RARRES1: variants seen among roughly 807,000 people sequenced by gnomAD.
The protein encoded by RARRES1 is retinoic acid receptor responder 1.
A neutral mutation model predicts 30.6 loss-of-function variants in RARRES1; 34 were observed. The ratio of observed to expected loss-of-function variants is 1.11; its 90% CI spans 0.84 to 1.48. The LOEUF (loss-of-function observed/expected upper bound fraction) is 1.48. Ranked by LOEUF, RARRES1 falls within the 40% of genes most tolerant of loss-of-function variation. RARRES1 has a pLI of 0.00. For synonymous variants in RARRES1, 153 were observed against 155.5 expected (o/e 0.98, Z 0.12); for missense variants, 373 against 386.5 (o/e 0.97, Z 0.29).
chr3:158,712,272 T>C (rs762022927), intron 2 of RARRES1, among the ~76,000 whole-genome samples: 1 of 152,144 alleles, frequency 6.6e-6, no homozygotes, highest in Non-Finnish European at 1.5e-5. Flanking sequence ...AAAAAGTCCA[T>C]GAGGAAACAA....
At chr3:158,721,960 G>A (rs546308987) in intron 1 of RARRES1, among the ~76,000 whole-genome samples, 18 of 151,902 alleles carry the variant, frequency 1.2e-4, no homozygotes, top group Middle Eastern at 3.4e-3. Flanking sequence ...GCGTGGTGGC[G>A]CACACCTGTA....
At chr3:158,704,171 T>C (rs1726829987) in intron 4 of RARRES1, among the ~76,000 whole-genome samples, 1 of 148,636 alleles carries the variant, frequency 6.7e-6, no homozygotes, top group Non-Finnish European at 1.5e-5. Flanking sequence ...ACCACCCTGG[T>C]CCAAGCCACC....
intron 4 of RARRES1, among the ~76,000 whole-genome samples, chr3:158,703,396 A>G (rs1314203551): frequency 1.3e-5 from 2 of 152,124 alleles, no homozygotes; most frequent in Admixed American, 1.3e-4. Context: ...ATCGACATAT[A>G]AACATGCTGT....
At chr3:158,710,970 T>TCACCC (rs778162241) in intron 2 of RARRES1, 37 bp from the exon 3 acceptor site, 72 of 1,560,552 alleles carry the variant, frequency 4.6e-5, no homozygotes, top group Non-Finnish European at 6.1e-5. Flanking sequence ...CACCTCCCAC[T>TCACCC]CACCCCAGTG....
intron 1 of RARRES1, among the ~76,000 whole-genome samples, chr3:158,731,281 C>T (rs987749369): frequency 6.6e-6 from 1 of 152,124 alleles, no homozygotes; most frequent in Non-Finnish European, 1.5e-5. Context: ...TAAATACATG[C>T]GATACTCAAT....
intron 1 of RARRES1, among the ~76,000 whole-genome samples, chr3:158,725,260 G>A (rs1420810063): frequency 6.6e-6 from 1 of 152,172 alleles, no homozygotes; most frequent in Non-Finnish European, 1.5e-5. Context: ...CTTCAACTGA[G>A]GCACCATCCA....
At chr3:158,731,312 G>A (rs1727878670) in intron 1 of RARRES1, among the ~76,000 whole-genome samples, 1 of 152,182 alleles carries the variant, frequency 6.6e-6, no homozygotes, top group South Asian at 2.1e-4. Flanking sequence ...TTGAGGCCGT[G>A]TGTCTGCAGG....
chr3:158,699,424 C>CA (rs919685368), intron 4 of RARRES1, among the ~76,000 whole-genome samples: 1 of 131,204 alleles, frequency 7.6e-6, no homozygotes, highest in Admixed American at 8.0e-5. Flanking sequence ...CTAAAGAATA[C>CA]AAAAAAGCAA....
chr3:158,705,212 T>C (rs772702335), intron 3 of RARRES1, among the ~76,000 whole-genome samples: 1 of 152,180 alleles, frequency 6.6e-6, no homozygotes, highest in African/African-American at 2.4e-5. Context: ...ATCAAGCCTA[T>C]GTCCACAAAG....
chr3:158,710,158 G>A (rs1422344226), intron 3 of RARRES1, among the ~76,000 whole-genome samples: 1 of 151,996 alleles, frequency 6.6e-6, no homozygotes, highest in African/African-American at 2.4e-5. Context: ...CTCTTACCTG[G>A]GGGTTCAGTT....
intron 1 of RARRES1, among the ~76,000 whole-genome samples, chr3:158,720,273 T>TGTGTGTGTGAGAGAGAGAGAGAGAGA (rs1160861397): frequency 6.9e-6 from 1 of 144,452 alleles, no homozygotes; most frequent in African/African-American, 2.6e-5. Flanking sequence ...TGTATGTGTG[T>TGTGTGTGTGAGAGAGAGAGAGAGAGA]GAGAGAGAGA....
chr3:158,731,341 G>A (rs763336197), intron 1 of RARRES1, among the ~76,000 whole-genome samples: 5 of 152,164 alleles, frequency 3.3e-5, no homozygotes, highest in African/African-American at 4.8e-5. Context: ...AATATCTGGA[G>A]GTTGTAGAAG....
At chr3:158,726,643 A>C (rs753781716) in intron 1 of RARRES1, among the ~76,000 whole-genome samples, 1 of 152,242 alleles carries the variant, frequency 6.6e-6, no homozygotes, top group Non-Finnish European at 1.5e-5. Flanking sequence ...TTAGCTGTTG[A>C]ATTGGTGTTA....
chr3:158,706,827 G>A (rs1015132452), intron 3 of RARRES1, among the ~76,000 whole-genome samples: 1 of 152,192 alleles, frequency 6.6e-6, no homozygotes, highest in Admixed American at 6.5e-5. Context: ...TTGTTATTAG[G>A]TGTATTAAAT....
At chr3:158,703,545 T>G (rs914923476) in intron 4 of RARRES1, among the ~76,000 whole-genome samples, 28 of 152,220 alleles carry the variant, frequency 1.8e-4, no homozygotes, top group African/African-American at 6.7e-4. Flanking sequence ...CCACTTCCTC[T>G]CCTCCCATCC....
At chr3:158,707,880 G>A (rs1013920338) in intron 3 of RARRES1, among the ~76,000 whole-genome samples, 6 of 152,148 alleles carry the variant, frequency 3.9e-5, no homozygotes, top group East Asian at 1.9e-4. Flanking sequence ...TGTTAATATC[G>A]AAGTGCCTTC....
At chr3:158,708,627 C>T (rs190046190) in intron 3 of RARRES1, among the ~76,000 whole-genome samples, 11 of 151,720 alleles carry the variant, frequency 7.3e-5, no homozygotes, top group Non-Finnish European at 1.3e-4. Context: ...TACAACAGTC[C>T]AATGCCTTGG....
chr3:158,731,653 A>C (rs115958277), intron 1 of RARRES1, among the ~76,000 whole-genome samples: 3,972 of 152,326 alleles, frequency 0.026, 61 homozygotes, highest in Non-Finnish European at 0.04. Context: ...ACTGCAATTA[A>C]CAAGAGACAG....
At chr3:158,707,901 C>G (rs1726977880) in intron 3 of RARRES1, among the ~76,000 whole-genome samples, 1 of 152,196 alleles carries the variant, frequency 6.6e-6, no homozygotes. Context: ...ATATTTGGAA[C>G]TGAGGATTTC....
Sources: gnomAD v4.1 joint callset for allele counts (sites outside exome capture counted in the v4.1 genomes callset) on GRCh38, gnomAD v4.1.1 for gene constraint, MANE v1.5 for transcripts, NCBI Gene and HGNC (gene_info 2026-07-23, HGNC 2026-07-21) for gene names.